Variants in CDK8 observed in about 807,000 individuals in gnomAD.
CDK8 encodes the protein cyclin dependent kinase 8, also known as cyclin-dependent kinase 8.
Under a neutral mutation model 71.5 loss-of-function variants are expected in CDK8, and 29 were observed. That is an observed-to-expected ratio of 0.41 (90% confidence interval 0.30 to 0.55). The LOEUF (loss-of-function observed/expected upper bound fraction) is 0.55. CDK8 is among the 20% of genes least tolerant of loss of function. CDK8 has a pLI of 0.37. For synonymous variants in CDK8, 161 were observed against 192.1 expected (o/e 0.84, Z 1.34); for missense variants, 288 against 572.6 (o/e 0.50, Z 5.07).
intron 1 of CDK8, among the ~76,000 whole-genome samples, chr13:26,261,222 G>A (rs893413171): frequency 3.3e-5 from 5 of 152,162 alleles, no homozygotes; most frequent in Non-Finnish European, 5.9e-5. Flanking sequence ...AGTCCTTGCT[G>A]TAGTAAGCTG....
intron 1 of CDK8, among the ~76,000 whole-genome samples, chr13:26,258,427 CTG>C (rs1050806443): frequency 2.0e-5 from 3 of 151,560 alleles, no homozygotes; most frequent in African/African-American, 7.3e-5. Context: ...TGCTATAAAA[CTG>C]TTTATGTAGA....
At chr13:26,286,920 T>C (rs1455490879) in intron 1 of CDK8, among the ~76,000 whole-genome samples, 1 of 152,116 alleles carries the variant, frequency 6.6e-6, no homozygotes, top group Non-Finnish European at 1.5e-5. Flanking sequence ...TCACTAATTA[T>C]CAGGGAAATG....
chr13:26,259,983 G>T (rs1264438722), intron 1 of CDK8, among the ~76,000 whole-genome samples: 1 of 152,146 alleles, frequency 6.6e-6, no homozygotes, highest in Non-Finnish European at 1.5e-5. Flanking sequence ...TCCCCAACTG[G>T]TTAAGGTTTT....
At chr13:26,298,518 A>G (rs192098687) in intron 1 of CDK8, among the ~76,000 whole-genome samples, 2 of 152,210 alleles carry the variant, frequency 1.3e-5, no homozygotes, top group East Asian at 3.9e-4. Flanking sequence ...ATGCCCCTCA[A>G]AGAAAGGTTG....
Position 26,404,119 on chromosome 13 carries a change from C to A in CDK8, c.*38C>A, listed in dbSNP as rs1876401874. The A allele has an allele frequency of 6.2e-7, 1 of 1,609,712 alleles. No homozygotes were observed. Among genetic ancestry groups the A allele is most frequent in the African/African-American group, 1.3e-5 (1 of 74,886 alleles). On this transcript the variant is annotated 3_prime_UTR_variant, in exon 13 of 13. Transcript: ENST00000381527. The stretch of plus-strand genomic sequence containing the variant: ...TCTTGTCCATGCACTGTTGCGAATG[C>A]TGCAGGGCTGACTGTGCAGCTCTCT...
chr13:26,278,687 A>T (rs377324539), intron 1 of CDK8, among the ~76,000 whole-genome samples: 2 of 152,294 alleles, frequency 1.3e-5, no homozygotes, highest in African/African-American at 4.8e-5. Context: ...AAATTATTCC[A>T]AAAGTAATAG....
intron 1 of CDK8, among the ~76,000 whole-genome samples, chr13:26,322,639 T>A (rs1428798194): frequency 6.6e-6 from 1 of 152,170 alleles, no homozygotes; most frequent in Non-Finnish European, 1.5e-5. Context: ...GTTTATCACT[T>A]CCTGTTTACA....
chr13:26,386,675 T>C (rs1032513923), intron 6 of CDK8, among the ~76,000 whole-genome samples: 1 of 152,248 alleles, frequency 6.6e-6, no homozygotes, highest in African/African-American at 2.4e-5. Context: ...AGTTCTTGTA[T>C]TTCTGAAAAA....
chr13:26,350,377 G>A (rs1304134506), intron 3 of CDK8, among the ~76,000 whole-genome samples: 2 of 152,144 alleles, frequency 1.3e-5, no homozygotes, highest in Non-Finnish European at 2.9e-5. Context: ...GGTCACACCT[G>A]TAGTCCCAAC....
chr13:26,382,923 C>A, intron 5 of CDK8, 52 bp downstream of exon 5: 10 of 1,213,852 alleles, frequency 8.2e-6, no homozygotes, highest in South Asian at 1.4e-5. Flanking sequence ...AAAACTTTTG[C>A]AGGCAGCTAT....
intron 6 of CDK8, among the ~76,000 whole-genome samples, chr13:26,391,152 A>G (rs17083986): frequency 0.058 from 8,832 of 152,098 alleles, 853 homozygotes; most frequent in African/African-American, 0.2. Flanking sequence ...AAATTGACAA[A>G]GGTGAGAGAG....
intron 1 of CDK8, among the ~76,000 whole-genome samples, chr13:26,309,233 A>G (rs1593254122): frequency 6.6e-6 from 1 of 150,414 alleles, no homozygotes; most frequent in Non-Finnish European, 1.5e-5. Context: ...TCCGCCTCCC[A>G]GGTTCACGCC....
chr13:26,283,344 T>C (rs920153102), intron 1 of CDK8, among the ~76,000 whole-genome samples: 1 of 152,238 alleles, frequency 6.6e-6, no homozygotes, highest in Non-Finnish European at 1.5e-5. Context: ...GCACGGTGGC[T>C]CATGCCTGTA....
At chr13:26,399,431 T>A (rs993354490) in intron 9 of CDK8, among the ~76,000 whole-genome samples, 1 of 152,188 alleles carries the variant, frequency 6.6e-6, no homozygotes, top group African/African-American at 2.4e-5. Flanking sequence ...TACTCACATC[T>A]ACCAATCAGA....
At chr13:26,333,915 T>C (rs944012912) in intron 1 of CDK8, among the ~76,000 whole-genome samples, 2 of 152,220 alleles carry the variant, frequency 1.3e-5, no homozygotes, top group African/African-American at 4.8e-5. Context: ...CTCCTTTGTA[T>C]CTTTTACTAA....
At chr13:26,394,958 A>G (rs1001974739) in intron 7 of CDK8, among the ~76,000 whole-genome samples, 1 of 152,328 alleles carries the variant, frequency 6.6e-6, no homozygotes, top group East Asian at 1.9e-4. Context: ...AAAAGGGCAG[A>G]TGGAAATGTT....
At chr13:26,259,798 A>G (rs1048900134) in intron 1 of CDK8, among the ~76,000 whole-genome samples, 1 of 152,198 alleles carries the variant, frequency 6.6e-6, no homozygotes, top group Admixed American at 6.5e-5. Flanking sequence ...TTCAACAAGT[A>G]TTTATTGGAC....
intron 7 of CDK8, among the ~76,000 whole-genome samples, chr13:26,394,230 G>A (rs549344473): frequency 6.6e-6 from 1 of 152,286 alleles, no homozygotes; most frequent in African/African-American, 2.4e-5. Context: ...AGTAGAAAGT[G>A]TTTCTTATTA....
At chr13:26,360,562 G>A (rs937935321) in intron 4 of CDK8, among the ~76,000 whole-genome samples, 1 of 152,024 alleles carries the variant, frequency 6.6e-6, no homozygotes, top group African/African-American at 2.4e-5. Context: ...CCACCCATGG[G>A]CCACTTACTA....
Sources: gnomAD v4.1 joint callset for allele counts (sites outside exome capture counted in the v4.1 genomes callset) on GRCh38, gnomAD v4.1.1 for gene constraint, MANE v1.5 for transcripts, NCBI Gene and HGNC (gene_info 2026-07-23, HGNC 2026-07-21) for gene names.